Variants in ACHE observed in about 807,000 individuals in gnomAD.
ACHE encodes the protein acetylcholinesterase (Yt blood group), also known as acetylcholinesterase.
Under a neutral mutation model 53.9 loss-of-function variants are expected in ACHE, and 19 were observed. That is an observed-to-expected ratio of 0.35 (90% CI 0.25 to 0.52). The LOEUF (loss-of-function observed/expected upper bound fraction) is 0.52, where lower values mean the gene tolerates loss of function less well. ACHE is among the 20% of genes least tolerant of loss of function. The pLI is 0.95. For missense variants in ACHE, 605 were observed against 849.4 expected (o/e 0.71, Z 3.58); for synonymous variants, 392 against 378.1 (o/e 1.04, Z -0.43).
intron 1 of ACHE, among the ~76,000 whole-genome samples, chr7:100,894,992 G>C (rs1790960621): frequency 6.6e-6 from 1 of 152,104 alleles, no homozygotes; most frequent in African/African-American, 2.4e-5. Context: ...GAAAAGGTCG[G>C]CGCTCCCCGC....
At chr7:100,891,147 C>A (rs536905617) in intron 4 of ACHE, 22 bp downstream of exon 4, 9 of 1,585,070 alleles carry the variant, frequency 5.7e-6, no homozygotes, top group Admixed American at 1.8e-5. Context: ...CTCCCAGCCG[C>A]TGCCCGCTGG....
chr7:100,893,943 T>C lies in ACHE; in HGVS notation c.290A>G (p.Gln97Arg), dbSNP rs768165907. The C allele has an allele frequency of 1.9e-6, 3 of 1,606,932 alleles. No homozygotes were observed. Among genetic ancestry groups the C allele is most frequent in the Admixed American group, 3.4e-5 (2 of 58,650 alleles). Residue 97 changes from glutamine (Q) to arginine (R), a missense_variant, in exon 2 of 5, where the codon CAG becomes CGG. Transcript: ENST00000241069. ...WSGVVDATTFQSVCYQYVDTL... is the reference protein window; with the variant it reads ...WSGVVDATTFRSVCYQYVDTL... ...GTCCACATATTGGTAGCAGACACTC[T>C]GGAAGGTTGTAGCGTCTACCACCCC...
chr7:100,894,871 C>T (rs1204997335), intron 1 of ACHE, among the ~76,000 whole-genome samples: 4 of 152,084 alleles, frequency 2.6e-5, no homozygotes, highest in Admixed American at 6.5e-5. Context: ...ACGCTCCCAG[C>T]CCAGCCCCAG....
upstream of ACHE, chr7:100,896,214 GACAA>G (rs1791033419): frequency 6.6e-6 from 1 of 152,394 alleles, no homozygotes; most frequent in Non-Finnish European, 1.5e-5. Context: ...GACAGGCACA[GACAA>G]ACGCAGGGAC....
rs367977631 is a variant in ACHE at position 100,892,563 on chromosome 7, C to T, written c.1324G>A (p.Val442Met). 7.8e-5 allele frequency: 126 copies of T among 1,612,618 alleles called. No homozygotes were observed. The highest frequency in any genetic ancestry group is 1.0e-4 in the Non-Finnish European group (119 of 1,179,414). The change falls in exon 3 of 5, where the codon GTG becomes ATG. Residue 442 changes from valine to methionine, a missense_variant. By Grantham distance (21) the Val-to-Met change is conservative. Around this residue, in one of 4 missense-constraint regions of ACHE, gnomAD observed 397 missense variants for 632.5 expected, o/e 0.63. Transcript: ENST00000241069. The surrounding 1 kb of genome is among the most constrained non-coding windows in gnomAD (Gnocchi z 5.2). Reference protein sequence around the residue: ...VVGDHNVVCPVAQLAGRLAAQ... With the variant: ...VVGDHNVVCPMAQLAGRLAAQ... ...GCCAGTCGCCCAGCCAGCTGGGCCA[C>T]GGGGCACACGACATTGTGGTCGCCC...
At position 100,893,526 on chromosome 7, in the gene ACHE, C is replaced by T. The variant is rs1418241119; in HGVS notation, c.707G>A (p.Gly236Glu). 1.2e-6 allele frequency: 2 copies of T among 1,609,648 alleles called. No homozygotes were observed. The highest frequency in any genetic ancestry group is 1.7e-6 in the Non-Finnish European group (2 of 1,179,984). The change falls in exon 2 of 5, where the codon GGA becomes GAA. Residue 236 changes from glycine (G) to glutamate (E), a missense_variant. Physicochemically the swap from Gly to Glu is moderately conservative, Grantham distance 98. Transcript: ENST00000241069. ...CAGGTGCATGCCCACCGAGGCGGCTCCCGCGCTCTCCCCAAACAGCGTCAC... is the reference window on the plus strand; with the variant it reads ...CAGGTGCATGCCCACCGAGGCGGCTTCCGCGCTCTCCCCAAACAGCGTCAC... ...TSVTLFGESA[G>E]AASVGMHLLS...
intron 1 of ACHE, among the ~76,000 whole-genome samples, chr7:100,894,615 G>GA (rs1245288068): frequency 0.21 from 13 of 62 alleles, no homozygotes; most frequent in Non-Finnish European, 0.11. Flanking sequence ...CCACCCGACA[G>GA]GGCGCGGCCT....
chr7:100,891,321 C>A lies in ACHE; in HGVS notation c.1571G>T (p.Arg524Leu). The part of the protein sequence containing the change: ...FARTGDPNEP[R>L]DPKAPQWPPY... ...GGGCCATTGTGGGGCCTTGGGGTCT[C>A]GGGGCTCATTGGGATCCCTGCGGAA... is the stretch of plus-strand genomic sequence containing the variant. The change falls in exon 4 of 5, where the codon CGA becomes CTA. Residue 524 changes from arginine (R) to leucine (L), a missense_variant. By Grantham distance (102) the Arg-to-Leu change is moderately radical (BLOSUM62 -2). This residue lies in a region of ACHE where 91 missense variants were observed against 83.2 expected (regional missense o/e 1.09). Transcript: ENST00000241069. The A allele has an allele frequency of 6.4e-7, 1 of 1,566,174 alleles. No homozygotes were observed.
Position 100,892,704 on chromosome 7 carries a change from G to A in ACHE, c.1183C>T (p.Arg395Trp), listed in dbSNP as rs747602194. The change falls in exon 3 of 5, where the codon CGG becomes TGG. Residue 395 changes from arginine (R) to tryptophan (W), a missense_variant. Physicochemically the swap from Arg to Trp is moderately radical, Grantham distance 101. Around this residue, in one of 4 missense-constraint regions of ACHE, gnomAD observed 397 missense variants for 632.5 expected, o/e 0.63. Transcript: ENST00000241069. The surrounding 1 kb of genome is among the most constrained non-coding windows in gnomAD (Gnocchi z 5.2). ...TCACTTACCTGGGGAACCCCGACCC[G>A]CACCCCGGCCAGGAACTCGGCCCGG... ...ISRAEFLAGV[R>W]VGVPQVSDLA... The A allele has an allele frequency of 1.9e-6, 3 of 1,613,466 alleles. No homozygotes were observed. The highest frequency in any genetic ancestry group is 1.1e-5 in the South Asian group (1 of 91,068).
Position 100,890,313 on chromosome 7 carries a change from GCGC to G in ACHE, c.1743_1745del (p.Glu581_Arg582delinsAsp), listed in dbSNP as rs748536494. The G allele has an allele frequency of 6.2e-7, 1 of 1,606,614 alleles. No homozygotes were observed. Among genetic ancestry groups the G allele is most frequent in the Non-Finnish European group, 8.5e-7 (1 of 1,176,494 alleles). ...AGCGGTGGAACTCGGCCTTCCACTG[GCGC>G]TCCGCCTCGTCGAGCGTGTCTGCGG... On this transcript the variant is annotated inframe_deletion, in exon 5 of 5. Transcript: ENST00000241069.
chr7:100,894,156 C>T lies in ACHE; in HGVS notation c.77G>A (p.Gly26Asp). 5 of 1,487,554 alleles carry T rather than the reference C, an allele frequency of 3.4e-6. No individual in the cohort carries two copies. Among genetic ancestry groups the T allele is most frequent in the Non-Finnish European group, 4.4e-6 (5 of 1,125,008 alleles). The allele number at this position is 1,487,554 out of a possible 1,614,324, so 92.1% of individuals were successfully genotyped here. The change falls in exon 2 of 5, where the codon GGT becomes GAT. Residue 26 changes from glycine (G) to aspartate (D), a missense_variant. Physicochemically the swap from Gly to Asp is moderately conservative, Grantham distance 94. Transcript: ENST00000241069. ...PLLLLLLWLLGGGVGAEGRED... is the reference protein window; with the variant it reads ...PLLLLLLWLLDGGVGAEGRED... Reference sequence around the variant, plus strand: ...CCGGCCCTCAGCCCCCACTCCTCCACCCAGGAGCCAGAGGAGGAGGAGAAG... The same window carrying T: ...CCGGCCCTCAGCCCCCACTCCTCCATCCAGGAGCCAGAGGAGGAGGAGAAG...
chr7:100,894,184 G>A lies in ACHE; in HGVS notation c.49C>T (p.Leu17Phe), dbSNP rs2116014350. The change falls in exon 2 of 5, where the codon CTC becomes TTC. Residue 17 changes from leucine to phenylalanine, a missense_variant. By Grantham distance (22) the Leu-to-Phe change is conservative. Around this residue, in one of 4 missense-constraint regions of ACHE, gnomAD observed 89 missense variants for 78.9 expected, o/e 1.13. Transcript: ENST00000241069. ...LLHTPSLASP[L>F]LLLLLWLLGG... ...AGGAGCCAGAGGAGGAGGAGAAGGA[G>A]TGGGGAAGCCAGGGAAGGCGTGTGC... 1.4e-6 allele frequency: 2 copies of A among 1,480,234 alleles called. No homozygotes were observed. The highest frequency in any genetic ancestry group is 1.4e-5 in the South Asian group (1 of 72,550). The allele number at this position is 1,480,234 out of a possible 1,614,324, so 91.7% of individuals were successfully genotyped here.
rs1228025443 is a variant in ACHE at position 100,892,925 on chromosome 7, C to G, written c.1069-107G>C. The G allele has an allele frequency of 5.1e-6, 7 of 1,383,804 alleles. No homozygotes were observed. Among genetic ancestry groups the G allele is most frequent in the Non-Finnish European group, 6.7e-6 (7 of 1,042,246 alleles). The allele number at this position is 1,383,804 out of a possible 1,614,324, so 85.7% of individuals were successfully genotyped here. A position where few individuals can be genotyped will look rare whatever the true frequency, so the allele number is the denominator to read the frequency against. On this transcript the variant is annotated intron_variant, in intron 2 of 4. Coordinates refer to ENST00000241069, the MANE Select transcript of ACHE (RefSeq NM_000665.5). The surrounding 1 kb of genome is among the most constrained non-coding windows in gnomAD (Gnocchi z 5.2). ...GCCAGAGAGATGAACAGTTACAGAC[C>G]CGGAACCATGGACAGAGAGAGGACG...
chr7:100,890,595 A>T, intron 4 of ACHE: 1 of 1,316,952 alleles, frequency 7.6e-7, no homozygotes, highest in Non-Finnish European at 9.7e-7. Flanking sequence ...ACGGGAACAG[A>T]GGGGACAGGA....
Position 100,893,403 on chromosome 7 carries a change from C to T in ACHE, c.830G>A (p.Arg277His), listed in dbSNP as rs760504781. The T allele has an allele frequency of 1.4e-5, 22 of 1,611,896 alleles. No individual in the cohort carries two copies. Among genetic ancestry groups the T allele is most frequent in the East Asian group, 6.7e-5 (3 of 44,874 alleles). Residue 277 changes from arginine to histidine, a missense_variant, in exon 2 of 5, where the codon CGC (arginine) becomes CAC (histidine). Arg to His is a conservative substitution (Grantham distance 29, BLOSUM62 0). This residue lies in a region of ACHE where 397 missense variants were observed against 632.5 expected (regional missense o/e 0.63). Coordinates refer to ENST00000241069, the MANE Select transcript of ACHE (RefSeq NM_000665.5). Reference sequence around the variant, plus strand: ...AAGGTGGGCCAGCTGCGTGGCCCTGCGACGGGCCTCTCCCATGCCCACCGT... The same window carrying T: ...AAGGTGGGCCAGCTGCGTGGCCCTGTGACGGGCCTCTCCCATGCCCACCGT... ...WATVGMGEAR[R>H]RATQLAHLVG...
chr7:100,891,323 G>A lies in ACHE; in HGVS notation c.1569C>T (p.Pro523=), dbSNP rs776735060. ...NFARTGDPNE[P]RDPKAPQWPP... ...GCCATTGTGGGGCCTTGGGGTCTCG[G>A]GGCTCATTGGGATCCCTGCGGAAGG... Residue 523 remains proline (P), a synonymous_variant, in exon 4 of 5, where the codon CCC becomes CCT. Coordinates refer to ENST00000241069, the MANE Select transcript of ACHE (RefSeq NM_000665.5). 4 of 1,561,480 alleles carry A rather than the reference G, an allele frequency of 2.6e-6. No individual in the cohort carries two copies. In the African/African-American group the frequency reaches 5.5e-5, roughly 21 times the overall value.
At position 100,894,205 on chromosome 7, in the gene ACHE, T is replaced by G. The variant is rs763115268; in HGVS notation, c.28A>C (p.Thr10Pro). 1.0e-5 allele frequency: 15 copies of G among 1,467,136 alleles called. No individual in the cohort carries two copies. The highest frequency in any genetic ancestry group is 3.8e-4 in the Middle Eastern group (2 of 5,236). The allele number at this position is 1,467,136 out of a possible 1,614,324, so 90.9% of individuals were successfully genotyped here. The change falls in exon 2 of 5, where the codon ACG becomes CCG. Residue 10 changes from threonine to proline, a missense_variant. Thr to Pro is a conservative substitution (Grantham distance 38). Around this residue, in one of 4 missense-constraint regions of ACHE, gnomAD observed 89 missense variants for 78.9 expected, o/e 1.13. Transcript: ENST00000241069. ...AGGAGTGGGGAAGCCAGGGAAGGCG[T>G]GTGCAGCAGACACTGCGGGGGCCTC... MRPPQCLLHTPSLASPLLLL... is the reference protein window; with the variant it reads MRPPQCLLHPPSLASPLLLL...
chr7:100,890,782 G>T (rs1790629501), intron 4 of ACHE: 1 of 1,358,034 alleles, frequency 7.4e-7, no homozygotes, highest in East Asian at 2.8e-5. Flanking sequence ...AAAGGCGTGG[G>T]GGTCCCTGAG....
In ACHE at chr7:100,893,666, G is replaced by A. The variant is rs1243873165; in HGVS notation, c.567C>T (p.Phe189=). The part of the protein sequence containing the change: ...SMNYRVGAFG[F]LALPGSREAP... The stretch of plus-strand genomic sequence containing the variant: ...CCTCTCGGCTCCCCGGCAGGGCCAG[G>A]AAGCCAAAGGCTCCCACCCGGTAGT... Residue 189 remains phenylalanine (F), a synonymous_variant, in exon 2 of 5, where the codon TTC becomes TTT. Transcript: ENST00000241069. 6.2e-7 allele frequency: 1 copy of A among 1,613,168 alleles called. No homozygotes were observed. Among genetic ancestry groups the A allele is most frequent in the African/African-American group, 1.3e-5 (1 of 74,950 alleles).
Sources: allele counts gnomAD v4.1 joint callset (sites outside exome capture counted in the v4.1 genomes callset), GRCh38; gene constraint gnomAD v4.1.1; regional missense constraint gnomAD v4.1.1; non-coding constraint Gnocchi (gnomAD v3.1); transcripts MANE v1.5; gene names NCBI Gene and HGNC (gene_info 2026-07-23, HGNC 2026-07-21).